The following CEMIP2 variants were observed in gnomAD, a reference collection of about 807,000 sequenced individuals.
CEMIP2 encodes cell migration inducing hyaluronidase 2.
Under a neutral mutation model 146.9 loss-of-function variants are expected in CEMIP2, and 79 were observed. That is an observed-to-expected ratio of 0.54 (90% CI 0.45 to 0.65). The LOEUF is 0.65. CEMIP2 is among the 30% of genes least tolerant of loss of function. The pLI is 0.00. For missense variants in CEMIP2, 1,596 were observed against 1,696.2 expected, an observed-to-expected ratio of 0.94 and a Z score of 1.04; for synonymous variants, 601 against 606.3, an observed-to-expected ratio of 0.99 and a Z score of 0.13.
intron 16 of CEMIP2, 74 bp downstream of exon 16, chr9:71,712,009 T>G: frequency 1.3e-6 from 2 of 1,522,268 alleles, no homozygotes; most frequent in Non-Finnish European, 1.8e-6. Context: ...TCCTTTGCGT[T>G]TTTGTCTTTG....
intron 17 of CEMIP2, among the ~76,000 whole-genome samples, chr9:71,708,801 G>A (rs571308833): frequency 1.7e-4 from 26 of 151,952 alleles, no homozygotes; most frequent in Non-Finnish European, 2.8e-4. Context: ...CTCTGTCCCC[G>A]GGAACATCTC....
chr9:71,760,517 T>C (rs747080541), intron 1 of CEMIP2, among the ~76,000 whole-genome samples: 1 of 148,792 alleles, frequency 6.7e-6, no homozygotes, highest in Admixed American at 6.7e-5. Flanking sequence ...ATCCCAAATA[T>C]ACTAATTAAT....
intron 10 of CEMIP2, among the ~76,000 whole-genome samples, chr9:71,728,227 C>CTATATA (rs1486826770): frequency 6.4e-4 from 12 of 18,718 alleles, no homozygotes; most frequent in African/African-American, 8.7e-4. Context: ...CTCTCTCTCT[C>CTATATA]TCTCTATATA....
intron 3 of CEMIP2, 52 bp downstream of exon 3, chr9:71,746,149 C>T: frequency 6.3e-7 from 1 of 1,581,818 alleles, no homozygotes; most frequent in Admixed American, 1.8e-5. Flanking sequence ...TCAAATATCC[C>T]CCACATTAAA....
intron 1 of CEMIP2, among the ~76,000 whole-genome samples, chr9:71,765,624 GC>G (rs1293838246): frequency 6.6e-6 from 1 of 152,078 alleles, no homozygotes; most frequent in Non-Finnish European, 1.5e-5. Flanking sequence ...TCACAAAATT[GC>G]TCCCCCACCC....
intron 20 of CEMIP2, among the ~76,000 whole-genome samples, chr9:71,695,557 C>T (rs1166292150): frequency 1.3e-5 from 2 of 151,964 alleles, no homozygotes; most frequent in Non-Finnish European, 2.9e-5. Flanking sequence ...ATCTGTAGTT[C>T]CAGCTACTTG....
At chr9:71,718,304 T>C (rs1230701141) in intron 12 of CEMIP2, among the ~76,000 whole-genome samples, 1 of 152,206 alleles carries the variant, frequency 6.6e-6, no homozygotes, top group Non-Finnish European at 1.5e-5. Flanking sequence ...TAGTTTGTTT[T>C]TGAAAAATCA....
chr9:71,766,066 T>C (rs1381513003), intron 1 of CEMIP2, among the ~76,000 whole-genome samples: 1 of 149,630 alleles, frequency 6.7e-6, no homozygotes, highest in Non-Finnish European at 1.5e-5. Context: ...GTTTCTTCTT[T>C]TTTTTCTTTT....
At chr9:71,705,069 A>G (rs1822695490) in intron 17 of CEMIP2, 1 of 400,730 alleles carries the variant, frequency 2.5e-6, no homozygotes, top group Admixed American at 3.9e-5. Context: ...ATTCATCAGA[A>G]TATAAAACTT....
intron 20 of CEMIP2, among the ~76,000 whole-genome samples, chr9:71,696,925 TA>T (rs2131870213): frequency 6.6e-6 from 1 of 152,212 alleles, no homozygotes; most frequent in South Asian, 2.1e-4. Context: ...CTAGTGGAAG[TA>T]ATTTTGTTTT....
chr9:71,732,314 C>G (rs904913005), intron 7 of CEMIP2, 37 bp downstream of exon 7: 1 of 1,525,964 alleles, frequency 6.6e-7, no homozygotes, highest in African/African-American at 1.4e-5. Flanking sequence ...ATTTAGCAAC[C>G]AGGATTTCAA....
At chr9:71,755,916 C>A (rs539978614) in intron 1 of CEMIP2, among the ~76,000 whole-genome samples, 1 of 136,464 alleles carries the variant, frequency 7.3e-6, no homozygotes, top group South Asian at 2.4e-4. Context: ...AAACTGACTG[C>A]ACCACTGTAC....
Position 71,712,218 on chromosome 9 carries a change from A to G in CEMIP2, c.2634T>C (p.Ile878=), listed in dbSNP as rs1822927155. The G allele has an allele frequency of 6.2e-7, 1 of 1,614,030 alleles. No individual in the cohort carries two copies. Among genetic ancestry groups the G allele is most frequent in the Non-Finnish European group, 8.5e-7 (1 of 1,180,014 alleles). ...TTTTGAAAGTGCTCCTTGTGAGATG[A>G]ATGGGCCCATCATAAATCTGAAAGC... The part of the protein sequence containing the change: ...IRGFQIYDGP[I]HLTRSTFKKY... The change falls in exon 16 of 24, where the codon ATT becomes ATC. Residue 878 remains isoleucine, a synonymous_variant. Transcript: ENST00000377044.
intron 1 of CEMIP2, among the ~76,000 whole-genome samples, chr9:71,766,973 C>A (rs373815956): frequency 2.6e-5 from 4 of 152,316 alleles, no homozygotes; most frequent in African/African-American, 9.6e-5. Flanking sequence ...CTCTAAAGTG[C>A]TACCCAATGT....
At position 71,698,146 on chromosome 9, in the gene CEMIP2, A is replaced by T. The variant is rs1412769616; in HGVS notation, c.3436T>A (p.Ser1146Thr). Residue 1146 changes from serine to threonine, a missense_variant, in exon 20 of 24, where the codon TCT becomes ACT. By Grantham distance (58) the Ser-to-Thr change is moderately conservative (BLOSUM62 1). Coordinates refer to ENST00000377044, the MANE Select transcript of CEMIP2 (RefSeq NM_013390.3). ...SHRHGHSYCS[S>T]QGCERVKIQA... ...ATCTTGACTCTTTCACATCCCTGAG[A>T]TGAACAGTAACTGTGGCCATGCCTG... 1.9e-5 allele frequency: 31 copies of T among 1,614,030 alleles called. No individual in the cohort carries two copies. Among genetic ancestry groups the T allele is most frequent in the Non-Finnish European group, 2.6e-5 (31 of 1,180,044 alleles).
chr9:71,685,394 C>T lies in CEMIP2; in HGVS notation c.3956-1G>A, dbSNP rs750414679. Reference sequence around the variant, plus strand: ...CTGAATCCCAAAAATATGGTACTCCCTAAAAAAAAAAAAAAAAAAGAAAAA... The same window carrying T: ...CTGAATCCCAAAAATATGGTACTCCTTAAAAAAAAAAAAAAAAAAGAAAAA... On this transcript the variant is annotated splice_acceptor_variant, in intron 23 of 23. Transcript: ENST00000377044. LOFTEE classifies it high-confidence loss of function. The T allele has an allele frequency of 1.0e-5, 9 of 902,118 alleles. No individual in the cohort carries two copies. Among genetic ancestry groups the T allele is most frequent in the Non-Finnish European group, 1.2e-5 (9 of 730,108 alleles). The allele number at this position is 902,118 out of a possible 1,614,324, so 55.9% of individuals were successfully genotyped here.
At chr9:71,739,450 AC>A (rs1311800714) in intron 5 of CEMIP2, among the ~76,000 whole-genome samples, 1 of 150,844 alleles carries the variant, frequency 6.6e-6, no homozygotes, top group Non-Finnish European at 1.5e-5. Flanking sequence ...CACTTACAGG[AC>A]AAAATTCCTG....
intron 1 of CEMIP2, among the ~76,000 whole-genome samples, chr9:71,763,022 T>A (rs1365522425): frequency 2.7e-5 from 4 of 148,698 alleles, no homozygotes; most frequent in African/African-American, 1.0e-4. Context: ...CTCAAAAAAA[T>A]ATATTTTTTT....
intron 20 of CEMIP2, 132 bp downstream of exon 20, chr9:71,697,853 C>T: frequency 1.1e-6 from 1 of 927,354 alleles, no homozygotes. Context: ...TTAGCATGGG[C>T]CAAAATTCAG....
Sources: gnomAD v4.1 joint callset for allele counts (sites outside exome capture counted in the v4.1 genomes callset) on GRCh38, gnomAD v4.1.1 for gene constraint, MANE v1.5 for transcripts, NCBI Gene and HGNC (gene_info 2026-07-23, HGNC 2026-07-21) for gene names.